Variants in LIN28A observed in about 807,000 individuals in gnomAD.
LIN28A encodes protein lin-28 homolog A.
A neutral mutation model predicts 21.1 loss-of-function variants in LIN28A; 11 were observed. That is an observed-to-expected ratio of 0.52 (90% CI 0.33 to 0.86). The LOEUF (loss-of-function observed/expected upper bound fraction) is 0.86. LIN28A is among the 40% of genes least tolerant of loss of function. LIN28A has a pLI of 0.03. For synonymous variants in LIN28A, 111 were observed against 108.7 expected (o/e 1.02, Z -0.13); for missense variants, 219 against 279.8 (o/e 0.78, Z 1.55).
In LIN28A at chr1:26,429,221, CTTAATT is replaced by C. The variant is rs1453918052; in HGVS notation, c.*2771_*2776del. ...CTGTATTTTGGATGGATCAAACCTC[CTTAATT>C]TTAATTTCTAATCCTAAAGTAAAGA... On this transcript the variant is annotated 3_prime_UTR_variant, in exon 4 of 4. Transcript: ENST00000326279. The C allele has an allele frequency of 6.5e-6, 1 of 153,616 alleles. No individual in the cohort carries two copies. Among genetic ancestry groups the C allele is most frequent in the African/African-American group, 2.4e-5 (1 of 41,456 alleles). 9.5% of individuals were successfully genotyped at this position (153,616 alleles called of 1,614,324 possible).
intron 2 of LIN28A, among the ~76,000 whole-genome samples, chr1:26,420,638 G>A (rs1156978163): frequency 6.6e-6 from 1 of 150,924 alleles, no homozygotes; most frequent in African/African-American, 2.4e-5. Flanking sequence ...TAAGGAATCT[G>A]TGGTTCCTTC....
intron 2 of LIN28A, 110 bp from the exon 3 acceptor site, chr1:26,425,193 A>AAT: frequency 9.4e-7 from 1 of 1,058,856 alleles, no homozygotes; most frequent in Non-Finnish European, 1.4e-6. Flanking sequence ...TTACCAGTAA[A>AAT]ATAGGAGTAC....
intron 3 of LIN28A, 100 bp downstream of exon 3, chr1:26,425,587 T>G (rs1570318486): frequency 2.6e-6 from 3 of 1,145,694 alleles, no homozygotes; most frequent in Non-Finnish European, 3.8e-6. Flanking sequence ...AAGGGAAGCC[T>G]GTGGTCCCTG....
chr1:26,416,688 G>T (rs568679295), intron 2 of LIN28A, among the ~76,000 whole-genome samples: 1 of 152,148 alleles, frequency 6.6e-6, no homozygotes, highest in South Asian at 2.1e-4. Context: ...CGCCGTCTTA[G>T]CTCACTGCAA....
intron 2 of LIN28A, among the ~76,000 whole-genome samples, chr1:26,416,856 G>A (rs2074996543): frequency 6.6e-6 from 1 of 152,088 alleles, no homozygotes; most frequent in Admixed American, 6.5e-5. Flanking sequence ...TGACCTCGTG[G>A]TGATCCGCCT....
chr1:26,420,721 G>A (rs4295916), intron 2 of LIN28A, among the ~76,000 whole-genome samples: 14,671 of 151,866 alleles, frequency 0.097, 882 homozygotes, highest in African/African-American at 0.18. Flanking sequence ...CATAAAATAC[G>A]AATGCTACTT....
chr1:26,411,535 C>G lies in LIN28A; in HGVS notation c.181C>G (p.Arg61Gly). The G allele has an allele frequency of 6.2e-7, 1 of 1,613,958 alleles. No homozygotes were observed. Among genetic ancestry groups the G allele is most frequent in the Non-Finnish European group, 8.5e-7 (1 of 1,179,930 alleles). The change falls in exon 2 of 4, where the codon CGC becomes GGC. Residue 61 changes from arginine to glycine, a missense_variant. Coordinates refer to ENST00000326279, the MANE Select transcript of LIN28A (RefSeq NM_024674.6). This position sits in a 1 kb window ranked among gnomAD's most constrained non-coding sequence, Gnocchi z 5.4. Reference protein sequence around the residue: ...MGFGFLSMTARAGVALDPPVD... With the variant: ...MGFGFLSMTAGAGVALDPPVD... ...GTTCGGCTTCCTGTCCATGACCGCCCGCGCCGGGGTCGCGCTCGACCCCCC... is the reference window on the plus strand; with the variant it reads ...GTTCGGCTTCCTGTCCATGACCGCCGGCGCCGGGGTCGCGCTCGACCCCCC...
chr1:26,413,379 TTTTG>T (rs893755659), intron 2 of LIN28A, among the ~76,000 whole-genome samples: 20 of 152,046 alleles, frequency 1.3e-4, no homozygotes, highest in Non-Finnish European at 1.6e-4. Flanking sequence ...TGTTTTCTTG[TTTTG>T]TTTGTTTGTT....
rs767677355 is a variant in LIN28A, at chr1:26,411,349, G to GC, written c.32-31dup. On this transcript the variant is annotated intron_variant, in intron 1 of 3. Coordinates refer to ENST00000326279, the MANE Select transcript of LIN28A (RefSeq NM_024674.6). This position sits in a 1 kb window ranked among gnomAD's most constrained non-coding sequence, Gnocchi z 5.4. Reference sequence around the variant, plus strand: ...GCCCGAGACGGCCCTCCGATTCCGTGCCCCCCAGCTAAGTGCCCGGCCCTC... The same window carrying GC: ...GCCCGAGACGGCCCTCCGATTCCGTGCCCCCCCAGCTAAGTGCCCGGCCCTC... 2.5e-5 allele frequency: 38 copies of GC among 1,501,544 alleles called. No homozygotes were observed. The highest frequency in any genetic ancestry group is 1.6e-4 in the South Asian group (12 of 77,250). The allele number at this position is 1,501,544 out of a possible 1,614,324, so 93.0% of individuals were successfully genotyped here.
rs747220883 is a variant in LIN28A, at chr1:26,426,502, G to A, written c.*44G>A. ...TATTCTTTTGCTATCAGGAAGTTTT[G>A]AGGAGCAGGCAGAGTGGAGAAAGTG... On this transcript the variant is annotated 3_prime_UTR_variant, in exon 4 of 4. Transcript: ENST00000326279. The A allele has an allele frequency of 2.6e-5, 39 of 1,482,812 alleles. No homozygotes were observed. The highest frequency in any genetic ancestry group is 2.5e-4 in the African/African-American group (18 of 72,150). 91.9% of individuals were successfully genotyped at this position (1,482,812 alleles called of 1,614,324 possible).
In LIN28A at chr1:26,411,630, C is replaced by G; in HGVS notation, c.228+48C>G. On this transcript the variant is annotated intron_variant, in intron 2 of 3. Coordinates refer to ENST00000326279, the MANE Select transcript of LIN28A (RefSeq NM_024674.6). This position sits in a 1 kb window ranked among gnomAD's most constrained non-coding sequence, Gnocchi z 5.4. ...TGCCCAGGGAAGGGCGTCTAGGCGC[C>G]CATATCCACGGGTGGGCTCCGGGCT... The G allele has an allele frequency of 1.3e-6, 2 of 1,579,298 alleles. No individual in the cohort carries two copies. The highest frequency in any genetic ancestry group is 8.6e-7 in the Non-Finnish European group (1 of 1,160,756).
rs930206987 is a variant in LIN28A, at chr1:26,427,623, G to C, written c.*1165G>C. 1 of 152,266 alleles carries C rather than the reference G, an allele frequency of 6.6e-6. No homozygotes were observed. The highest frequency in any genetic ancestry group is 1.5e-5 in the Non-Finnish European group (1 of 68,074). 9.4% of individuals were successfully genotyped at this position (152,266 alleles called of 1,614,324 possible). ...TGTCTAATCCTATGGCACAGGACGT[G>C]CTTTACATCTCCAGATCTGTTCTTC... On this transcript the variant is annotated 3_prime_UTR_variant, in exon 4 of 4. Transcript: ENST00000326279.
chr1:26,420,953 G>A (rs952217041), intron 2 of LIN28A, among the ~76,000 whole-genome samples: 2 of 152,116 alleles, frequency 1.3e-5, no homozygotes, highest in Non-Finnish European at 2.9e-5. Context: ...TGAGCTCTGA[G>A]CTTTAAATCA....
In LIN28A at chr1:26,410,879, T is replaced by C; in HGVS notation, c.-13T>C. 6.2e-7 allele frequency: 1 copy of C among 1,611,888 alleles called. No individual in the cohort carries two copies. Among genetic ancestry groups the C allele is most frequent in the Non-Finnish European group, 8.5e-7 (1 of 1,179,346 alleles). On this transcript the variant is annotated 5_prime_UTR_variant, in exon 1 of 4. Transcript: ENST00000326279. ...CGACCAGGGGCCCGGGGCCACGGGC[T>C]CAGCCGACGACCATGGGCTCCGTGT...
chr1:26,418,783 C>T (rs112203704), intron 2 of LIN28A, among the ~76,000 whole-genome samples: 4 of 152,104 alleles, frequency 2.6e-5, no homozygotes, highest in Non-Finnish European at 4.4e-5. Flanking sequence ...GTGGGCAGTG[C>T]GCAAGCCAGA....
chr1:26,426,224 G>C lies in LIN28A; in HGVS notation c.414-18G>C, dbSNP rs373605669. On this transcript the variant is annotated intron_variant, in intron 3 of 3. Coordinates refer to ENST00000326279, the MANE Select transcript of LIN28A (RefSeq NM_024674.6). ...TCTTGCTCCTTTCTCTTACTTTTAC[G>C]ATCTTGCTTTGTACTAGGTGCTACA... 5 of 1,606,192 alleles carry C rather than the reference G, an allele frequency of 3.1e-6. No homozygotes were observed. The highest frequency in any genetic ancestry group is 4.3e-6 in the Non-Finnish European group (5 of 1,173,072).
chr1:26,424,276 G>A (rs1365341475), intron 2 of LIN28A, among the ~76,000 whole-genome samples: 1 of 152,004 alleles, frequency 6.6e-6, no homozygotes, highest in Admixed American at 6.6e-5. Flanking sequence ...ATGGAGTCTT[G>A]CTCTGTCAAC....
Position 26,426,467 on chromosome 1 carries a change from G to T in LIN28A, c.*9G>T, listed in dbSNP as rs1570319179. 6.2e-6 allele frequency: 10 copies of T among 1,607,170 alleles called. No individual in the cohort carries two copies. Among genetic ancestry groups the T allele is most frequent in the Admixed American group, 3.3e-5 (2 of 59,950 alleles). ...CGGAGGCACAGAATTGAGCCACAATGGGTGGGGGCTATTCTTTTGCTATCA... is the reference window on the plus strand; with the variant it reads ...CGGAGGCACAGAATTGAGCCACAATTGGTGGGGGCTATTCTTTTGCTATCA... On this transcript the variant is annotated 3_prime_UTR_variant, in exon 4 of 4. Coordinates refer to ENST00000326279, the MANE Select transcript of LIN28A (RefSeq NM_024674.6).
rs1480073966 is a variant in LIN28A at position 26,429,461 on chromosome 1, T to C, written c.*3003T>C. The C allele has an allele frequency of 6.5e-6, 1 of 152,672 alleles. No homozygotes were observed. The highest frequency in any genetic ancestry group is 1.5e-5 in the Non-Finnish European group (1 of 68,058). 9.5% of individuals were successfully genotyped at this position (152,672 alleles called of 1,614,324 possible). On this transcript the variant is annotated 3_prime_UTR_variant, in exon 4 of 4. Coordinates refer to ENST00000326279, the MANE Select transcript of LIN28A (RefSeq NM_024674.6). Reference sequence around the variant, plus strand: ...AGCTTTGTGTAAAATCTTGAATTTATGGGGCGGGAGGGTAGGAAAGCCTGT... The same window carrying C: ...AGCTTTGTGTAAAATCTTGAATTTACGGGGCGGGAGGGTAGGAAAGCCTGT...
Sources: gnomAD v4.1 joint callset for allele counts (sites outside exome capture counted in the v4.1 genomes callset) on GRCh38, gnomAD v4.1.1 for gene constraint, Gnocchi (gnomAD v3.1) non-coding constraint, MANE v1.5 for transcripts, NCBI Gene and HGNC (gene_info 2026-07-23, HGNC 2026-07-21) for gene names.